USP10: variants seen among roughly 807,000 people sequenced by gnomAD.
USP10 encodes the protein ubiquitin carboxyl-terminal hydrolase 10.
Under a neutral mutation model 84.5 loss-of-function variants are expected in USP10, and 22 were observed. That is an observed-to-expected ratio of 0.26 (90% CI 0.19 to 0.37). The LOEUF is 0.37. USP10 is among the 10% of genes least tolerant of loss of function. The pLI, the probability that USP10 is intolerant of heterozygous loss-of-function variation, is 1.00. For missense variants in USP10, 1,019 were observed against 998.9 expected, an observed-to-expected ratio of 1.02 and a Z score of -0.27; for synonymous variants, 454 against 387.6, an observed-to-expected ratio of 1.17 and a Z score of -2.01.
intron 13 of USP10, among the ~76,000 whole-genome samples, chr16:84,775,572 CACG>C (rs1914919991): frequency 6.6e-6 from 1 of 152,174 alleles, no homozygotes; most frequent in African/African-American, 2.4e-5. Flanking sequence ...GTGGAGTTTC[CACG>C]ACACCTGGTC....
At chr16:84,770,713 A>G (rs559842730) in intron 11 of USP10, among the ~76,000 whole-genome samples, 4 of 150,412 alleles carry the variant, frequency 2.7e-5, no homozygotes, top group African/African-American at 7.4e-5. Context: ...CGGAGCTTGC[A>G]GTGAGCCGAG....
At chr16:84,755,402 C>T (rs1459381814) in intron 4 of USP10, among the ~76,000 whole-genome samples, 5 of 151,830 alleles carry the variant, frequency 3.3e-5, no homozygotes, top group Admixed American at 2.0e-4. Flanking sequence ...TTCCTCAGCC[C>T]GGCTTCTGGC....
rs745656947 is a variant in USP10, at chr16:84,700,076, A to C, written c.-15A>C. 5.1e-6 allele frequency: 7 copies of C among 1,373,454 alleles called. No homozygotes were observed. The East Asian group carries it at 2.4e-4, about 47-fold the overall frequency. 85.1% of individuals were successfully genotyped at this position (1,373,454 alleles called of 1,614,324 possible). A position where few individuals can be genotyped will look rare whatever the true frequency, so the allele number is the denominator to read the frequency against. On this transcript the variant is annotated 5_prime_UTR_variant, in exon 1 of 14. It removes an upstream start codon present in the reference 5' UTR. Transcript: ENST00000219473. ...GCAGCCGGAGGATCGCGGAGTCCCA[A>C]TGAAACGGGCAGCCATGGCCCTCCA...
chr16:84,763,919 G>GGTT (rs1292052820), intron 9 of USP10, among the ~76,000 whole-genome samples, 167 bp from the exon 10 acceptor site: 4 of 150,300 alleles, frequency 2.7e-5, no homozygotes, highest in Admixed American at 1.3e-4. Context: ...TGTTGCGATT[G>GGTT]GCCGTGGATC....
rs375772969 is a variant in USP10 at position 84,731,435 on chromosome 16, G to T, written c.22-2000G>T. ...ATTTGCATTAAACTTCACAGCTGCC[G>T]TGTGTTTCTTGTATTTTACTTCTTT... On this transcript the variant is annotated intron_variant, in intron 1 of 13. Coordinates refer to ENST00000219473, the MANE Select transcript of USP10 (RefSeq NM_005153.3). 5.9e-5 allele frequency among the ~76,000 whole-genome samples: 9 copies of T among 152,126 alleles called. 1 individual carries two copies. The highest frequency in any genetic ancestry group is 5.2e-4 in the Admixed American group (8 of 15,278).
At chr16:84,747,929 G>C (rs1210603521) in intron 4 of USP10, among the ~76,000 whole-genome samples, 1 of 151,842 alleles carries the variant, frequency 6.6e-6, no homozygotes, top group Non-Finnish European at 1.5e-5. Context: ...ACTGTAGGTG[G>C]ATGACAAGGT....
At chr16:84,764,527 G>A (rs934773461) in intron 10 of USP10, among the ~76,000 whole-genome samples, 9 of 152,184 alleles carry the variant, frequency 5.9e-5, no homozygotes, top group African/African-American at 2.2e-4. Context: ...CTGCTAGGGA[G>A]TAAGAGAAAA....
intron 1 of USP10, among the ~76,000 whole-genome samples, chr16:84,717,764 G>A (rs1907237906): frequency 6.6e-6 from 1 of 152,176 alleles, no homozygotes; most frequent in Non-Finnish European, 1.5e-5. Flanking sequence ...TCAGGAAAGT[G>A]CTTCTACTGC....
At chr16:84,715,950 A>AGAGT in intron 1 of USP10, among the ~76,000 whole-genome samples, 2 of 152,192 alleles carry the variant, frequency 1.3e-5, no homozygotes, top group African/African-American at 4.8e-5. Flanking sequence ...CCTGACCAAG[A>AGAGT]GAGTGAGTGT....
chr16:84,748,598 C>T (rs1911533077), intron 4 of USP10, among the ~76,000 whole-genome samples: 1 of 152,136 alleles, frequency 6.6e-6, no homozygotes, highest in Admixed American at 6.5e-5. Context: ...GCCACCGCGC[C>T]CAGCTGAGAA....
intron 12 of USP10, among the ~76,000 whole-genome samples, chr16:84,774,539 C>A (rs755137596): frequency 6.6e-6 from 1 of 151,750 alleles, no homozygotes; most frequent in South Asian, 2.1e-4. Context: ...GGCGCGATCT[C>A]GGCTCGCTGC....
At chr16:84,766,596 G>T (rs1433920059) in intron 10 of USP10, among the ~76,000 whole-genome samples, 1 of 152,166 alleles carries the variant, frequency 6.6e-6, no homozygotes, top group Non-Finnish European at 1.5e-5. Context: ...TTGTGCAGAG[G>T]CCGGGTATCA....
intron 4 of USP10, among the ~76,000 whole-genome samples, chr16:84,751,007 T>G (rs1313272705): frequency 2.6e-5 from 4 of 152,270 alleles, no homozygotes; most frequent in African/African-American, 9.6e-5. Context: ...CGTGTTTATT[T>G]AAGTGTAAAT....
chr16:84,700,248 C>T (rs1180579291), intron 1 of USP10, 137 bp downstream of exon 1: 39 of 720,164 alleles, frequency 5.4e-5, no homozygotes, highest in Non-Finnish European at 6.4e-5. Flanking sequence ...GCTGCCCGGG[C>T]CTAGGCCGGA....
intron 1 of USP10, chr16:84,704,798 C>T (rs1306094868): frequency 1.3e-6 from 2 of 1,535,588 alleles, no homozygotes; most frequent in Non-Finnish European, 1.7e-6. Context: ...GCTCTACCAG[C>T]ACTGCCATTC....
intron 4 of USP10, among the ~76,000 whole-genome samples, chr16:84,754,053 G>A (rs780704982): frequency 7.2e-5 from 11 of 152,210 alleles, no homozygotes; most frequent in South Asian, 4.2e-4. Flanking sequence ...TAGATGGTGC[G>A]GACTTTGTTG....
At chr16:84,735,700 T>C (rs1014280336) in intron 2 of USP10, among the ~76,000 whole-genome samples, 33 of 152,280 alleles carry the variant, frequency 2.2e-4, no homozygotes, top group African/African-American at 7.0e-4. Context: ...GACGTGACTG[T>C]GTCTCATGAA....
intron 2 of USP10, among the ~76,000 whole-genome samples, chr16:84,735,136 G>A (rs1003943925): frequency 6.6e-6 from 1 of 151,676 alleles, no homozygotes; most frequent in East Asian, 1.9e-4. Context: ...CCTCAGGGGG[G>A]TTCTCATGCT....
chr16:84,759,755 A>G (rs2150848966), intron 6 of USP10, 136 bp from the exon 7 acceptor site: 3 of 890,676 alleles, frequency 3.4e-6, no homozygotes, highest in East Asian at 5.2e-5. Flanking sequence ...ACTTGAGTTC[A>G]CTAGCTGTTA....
Sources: allele counts gnomAD v4.1 joint callset (sites outside exome capture counted in the v4.1 genomes callset), GRCh38; gene constraint gnomAD v4.1.1; transcripts MANE v1.5; gene names NCBI Gene and HGNC (gene_info 2026-07-23, HGNC 2026-07-21).